NIN: variants seen among roughly 807,000 people sequenced by gnomAD.
NIN encodes the protein ninein, also known as glycogen synthase kinase 3 beta-interacting protein.
NIN carries 137 observed loss-of-function variants against 257.6 expected under a neutral mutation model. The ratio of observed to expected loss-of-function variants is 0.53; its 90% CI spans 0.46 to 0.61. NIN has a LOEUF of 0.61. Among genes scored for constraint, NIN ranks in the 20% least tolerant of loss-of-function variants. The pLI, the probability that NIN is intolerant of heterozygous loss-of-function variation, is 0.00. For synonymous variants in NIN, 918 were observed against 919.8 expected (o/e 1.00, Z 0.04); for missense variants, 2,439 against 2,501.2 (o/e 0.98, Z 0.53).
At chr14:50,827,858 T>C (rs2045533895) in intron 2 of NIN, among the ~76,000 whole-genome samples, 1 of 151,758 alleles carries the variant, frequency 6.6e-6, no homozygotes. Flanking sequence ...TTCGAAAATG[T>C]AAGCAACCTT....
intron 29 of NIN, 92 bp from the exon 30 acceptor site, chr14:50,726,158 A>T (rs2040403166): frequency 3.0e-6 from 3 of 998,710 alleles, no homozygotes; most frequent in African/African-American, 1.6e-5. Context: ...AAAGGACAGC[A>T]AATGTTTTGC....
chr14:50,821,976 G>C lies in NIN; in HGVS notation c.81C>G (p.Ser27=), dbSNP rs1407594781. ...GGTCGGTGAGTTCCTCCTGCCCCAG[G>C]GACCCTGTGCCCGTCGTGTCAAAAC... ...FDSFDTTGTG[S]LGQEELTDLC... is the part of the protein sequence containing the mutation. Residue 27 remains serine, a synonymous_variant, in exon 3 of 31, where the codon TCC becomes TCG. Transcript: ENST00000530997. 3.7e-6 allele frequency: 6 copies of C among 1,614,144 alleles called. No homozygotes were observed. The highest frequency in any genetic ancestry group is 5.1e-6 in the Non-Finnish European group (6 of 1,180,022).
intron 25 of NIN, among the ~76,000 whole-genome samples, chr14:50,740,273 A>C (rs893415189): frequency 6.7e-6 from 1 of 148,356 alleles, no homozygotes; most frequent in Non-Finnish European, 1.5e-5. Context: ...TGCAACCTCC[A>C]CCTCCCGGGC....
chr14:50,768,340 C>G (rs527376239), intron 12 of NIN, among the ~76,000 whole-genome samples: 1 of 152,114 alleles, frequency 6.6e-6, no homozygotes, highest in Non-Finnish European at 1.5e-5. Context: ...AAATGTAGAG[C>G]CTAGAACAAC....
intron 3 of NIN, among the ~76,000 whole-genome samples, chr14:50,817,718 C>G (rs1195923669): frequency 2.0e-5 from 3 of 152,056 alleles, no homozygotes; most frequent in Non-Finnish European, 4.4e-5. Context: ...AGTTGGCATA[C>G]TACGTAAGGA....
chr14:50,770,020 G>C (rs1042713002), intron 12 of NIN, among the ~76,000 whole-genome samples: 1 of 152,082 alleles, frequency 6.6e-6, no homozygotes, highest in African/African-American at 2.4e-5. Context: ...AAGACCATCT[G>C]CTGAGAATGA....
rs201883434 is a variant in NIN, at chr14:50,757,488, G to C, written c.3542C>G (p.Ser1181Cys). The C allele has an allele frequency of 3.1e-6, 5 of 1,613,838 alleles. No homozygotes were observed. The highest frequency in any genetic ancestry group is 1.7e-6 in the Non-Finnish European group (2 of 1,180,008). The change falls in exon 18 of 31, where the codon TCT becomes TGT. Residue 1181 changes from serine to cysteine, a missense_variant. Ser to Cys is a moderately radical substitution (Grantham distance 112). Coordinates refer to ENST00000530997, the MANE Select transcript of NIN (RefSeq NM_020921.4). ...GGTCTCTTCACTGTTTTCAAGCTCAGAAAAACCCTCTACTGAAGCTTCAGA... is the reference window on the plus strand; with the variant it reads ...GGTCTCTTCACTGTTTTCAAGCTCACAAAAACCCTCTACTGAAGCTTCAGA... Reference protein sequence around the residue: ...EESEASVEGFSELENSEETRT... With the variant: ...EESEASVEGFCELENSEETRT...
intron 12 of NIN, 21 bp downstream of exon 12, chr14:50,770,367 C>A: frequency 6.2e-7 from 1 of 1,611,546 alleles, no homozygotes; most frequent in Non-Finnish European, 8.5e-7. Flanking sequence ...ACGCAGACCA[C>A]AGAACTAATA....
chr14:50,725,971 C>G lies in NIN; in HGVS notation c.6174G>C (p.Val2058=), dbSNP rs1397049413. ...GGCTCACTTGTTCTTTGAGCTGATT[C>G]ACTTTCTCTTGAAGAAGCCTTTTCA... The part of the protein sequence containing the change: ...KLVKRLLQEK[V]NQLKEQLCKN... The change falls in exon 30 of 31, where the codon GTG becomes GTC. Residue 2058 remains valine, a synonymous_variant. Transcript: ENST00000530997. 1 of 1,614,098 alleles carries G rather than the reference C, an allele frequency of 6.2e-7. No individual in the cohort carries two copies. Among genetic ancestry groups the G allele is most frequent in the South Asian group, 1.1e-5 (1 of 91,074 alleles).
At position 50,757,609 on chromosome 14, in the gene NIN, G is replaced by T. The variant is rs747335491; in HGVS notation, c.3421C>A (p.Arg1141=). 4 of 1,613,936 alleles carry T rather than the reference G, an allele frequency of 2.5e-6. No homozygotes were observed. The highest frequency in any genetic ancestry group is 3.3e-5 in the Admixed American group (2 of 60,004). The change falls in exon 18 of 31, where the codon CGG becomes AGG. Residue 1141 remains arginine (R), a synonymous_variant. Coordinates refer to ENST00000530997, the MANE Select transcript of NIN (RefSeq NM_020921.4). ...RTKQVEGVTR[R]HVLSDLEDDE... Reference sequence around the variant, plus strand: ...TCTTCCAGGTCACTTAGGACATGCCGCCTGGTCACACCTTCTACTTGCTTC... The same window carrying T: ...TCTTCCAGGTCACTTAGGACATGCCTCCTGGTCACACCTTCTACTTGCTTC...
intron 21 of NIN, among the ~76,000 whole-genome samples, chr14:50,750,115 C>G (rs983355708): frequency 1.3e-5 from 2 of 151,194 alleles, no homozygotes; most frequent in Admixed American, 1.3e-4. Context: ...TTGACATGTC[C>G]TTTTTTTTTA....
At chr14:50,771,546 T>C in intron 9 of NIN, 78 bp from the exon 10 acceptor site, 1 of 1,490,978 alleles carries the variant, frequency 6.7e-7, no homozygotes, top group Non-Finnish European at 9.2e-7. Flanking sequence ...GTGAAGGCTA[T>C]ACAAACTCTG....
In NIN at chr14:50,758,440, C is replaced by T. The variant is rs184108916; in HGVS notation, c.2590G>A (p.Glu864Lys). 6.1e-5 allele frequency: 99 copies of T among 1,614,110 alleles called. No homozygotes were observed. In the Admixed American group the frequency reaches 1.1e-3, roughly 17 times the overall value. Reference sequence around the variant, plus strand: ...GCTTCCGCACACTCCTGGGTGAGCTCGTCCTTCTCAAATTCCCACTGGGAT... The same window carrying T: ...GCTTCCGCACACTCCTGGGTGAGCTTGTCCTTCTCAAATTCCCACTGGGAT... ...EKSQWEFEKD[E>K]LTQECAEAQE... Residue 864 changes from glutamate to lysine, a missense_variant, in exon 18 of 31, where the codon GAG becomes AAG. By Grantham distance (56) the Glu-to-Lys change is moderately conservative (BLOSUM62 1). This residue lies in a region of NIN where 2,043 missense variants were observed against 2,050.2 expected (regional missense o/e 1.00). Transcript: ENST00000530997.
intron 7 of NIN, among the ~76,000 whole-genome samples, chr14:50,776,150 CCTAA>C (rs1482293385): frequency 1.3e-5 from 2 of 152,114 alleles, no homozygotes; most frequent in African/African-American, 2.4e-5. Context: ...GTAGCCCTAC[CCTAA>C]CTCTCTCCAA....
chr14:50,771,505 T>A lies in NIN; in HGVS notation c.982-37A>T, dbSNP rs529297821. 2.5e-6 allele frequency: 4 copies of A among 1,609,056 alleles called. 1 individual carries two copies. The highest frequency in any genetic ancestry group is 3.4e-6 in the Non-Finnish European group (4 of 1,177,122). ...AGCAAGGCGTAAATTCAAAAACAAA[T>A]CACTCATTCCATCCTCTGAAAGCAG... is the stretch of plus-strand genomic sequence containing the variant. On this transcript the variant is annotated intron_variant, in intron 9 of 30. Coordinates refer to ENST00000530997, the MANE Select transcript of NIN (RefSeq NM_020921.4).
At chr14:50,755,001 A>C (rs2041959021) in intron 18 of NIN, 134 bp from the exon 19 acceptor site, 1 of 555,824 alleles carries the variant, frequency 1.8e-6, no homozygotes, top group African/African-American at 1.9e-5. Context: ...GTAGTCTCTT[A>C]GTATTTGGAA....
chr14:50,803,313 A>C (rs1001509376), intron 4 of NIN, among the ~76,000 whole-genome samples: 3 of 152,250 alleles, frequency 2.0e-5, no homozygotes, highest in Admixed American at 2.0e-4. Context: ...AGATTGTGCC[A>C]CTGCACTCCA....
At position 50,719,922 on chromosome 14, in the gene NIN, T is replaced by C; in HGVS notation, c.*3541A>G. 1 of 211,258 alleles carries C rather than the reference T, an allele frequency of 4.7e-6. No individual in the cohort carries two copies. Among genetic ancestry groups the C allele is most frequent in the Non-Finnish European group, 9.6e-6 (1 of 103,934 alleles). 13.1% of individuals were successfully genotyped at this position (211,258 alleles called of 1,614,324 possible). Reference sequence around the variant, plus strand: ...AAAGCTGATATAAACACAGAACTCATTAATCTTTATCTGAACAGAAACATA... The same window carrying C: ...AAAGCTGATATAAACACAGAACTCACTAATCTTTATCTGAACAGAAACATA... On this transcript the variant is annotated 3_prime_UTR_variant, in exon 31 of 31. Coordinates refer to ENST00000530997, the MANE Select transcript of NIN (RefSeq NM_020921.4).
chr14:50,742,014 G>A (rs1480327955), intron 24 of NIN: 1 of 302,548 alleles, frequency 3.3e-6, no homozygotes, highest in Admixed American at 4.6e-5. Context: ...GGTGCCAACT[G>A]GCATCACAAA....
Sources: gnomAD v4.1 joint callset for allele counts (sites outside exome capture counted in the v4.1 genomes callset) on GRCh38, gnomAD v4.1.1 for gene constraint, gnomAD v4.1.1 regional missense constraint, MANE v1.5 for transcripts, NCBI Gene and HGNC (gene_info 2026-07-23, HGNC 2026-07-21) for gene names.